Variants in MMP20 observed in about 807,000 individuals in gnomAD.
MMP20 encodes matrix metallopeptidase 20, also known as matrix metalloproteinase-20.
A neutral mutation model predicts 51.8 loss-of-function variants in MMP20; 50 were observed. That is an observed-to-expected ratio of 0.97 (90% CI 0.77 to 1.22). The LOEUF (loss-of-function observed/expected upper bound fraction) is 1.22, where lower values mean the gene tolerates loss of function less well. MMP20 is among the 50% of genes most tolerant of loss of function. The pLI is 0.00. For missense variants in MMP20, 663 were observed against 601.4 expected (o/e 1.10, Z -1.07); for synonymous variants, 244 against 216.2 (o/e 1.13, Z -1.13).
intron 2 of MMP20, among the ~76,000 whole-genome samples, chr11:102,615,071 TATA>T (rs930984394): frequency 5.4e-5 from 8 of 147,834 alleles, no homozygotes; most frequent in African/African-American, 2.0e-4. Context: ...AATTATTTAA[TATA>T]ATGTATTTAA....
chr11:102,620,263 C>T (rs1048538919), intron 1 of MMP20, among the ~76,000 whole-genome samples: 4 of 152,150 alleles, frequency 2.6e-5, no homozygotes, highest in African/African-American at 9.7e-5. Flanking sequence ...ATCAGATATC[C>T]TGAAGTACTG....
chr11:102,590,724 A>G (rs1859307471), intron 8 of MMP20, among the ~76,000 whole-genome samples: 1 of 152,242 alleles, frequency 6.6e-6, no homozygotes, highest in Non-Finnish European at 1.5e-5. Flanking sequence ...TTCTTATTCC[A>G]TAACTTGAGG....
At chr11:102,587,659 T>A (rs190993984) in intron 8 of MMP20, among the ~76,000 whole-genome samples, 1 of 152,286 alleles carries the variant, frequency 6.6e-6, no homozygotes, top group Non-Finnish European at 1.5e-5. Context: ...TATAATTACA[T>A]CTTCATGGTA....
At chr11:102,578,794 A>AC (rs1565387389) in intron 9 of MMP20, among the ~76,000 whole-genome samples, 8 of 131,688 alleles carry the variant, frequency 6.1e-5, no homozygotes, top group Non-Finnish European at 1.1e-4. Context: ...CACACACACA[A>AC]AAACAAAAAC....
At chr11:102,614,822 G>A (rs7126560) in intron 2 of MMP20, among the ~76,000 whole-genome samples, 19,462 of 151,482 alleles carry the variant, frequency 0.13, 1,413 homozygotes, top group East Asian at 0.34. Context: ...AAACCCACTT[G>A]ATTTGCATGA....
At chr11:102,599,736 A>C (rs534732282) in intron 6 of MMP20, among the ~76,000 whole-genome samples, 100 of 152,228 alleles carry the variant, frequency 6.6e-4, no homozygotes, top group Non-Finnish European at 1.4e-3. Flanking sequence ...CTGAGAAGCC[A>C]TTCATTCTAT....
chr11:102,610,046 G>T lies in MMP20; in HGVS notation c.524-16C>A. 1 of 1,613,898 alleles carries T rather than the reference G, an allele frequency of 6.2e-7. No homozygotes were observed. The highest frequency in any genetic ancestry group is 8.5e-7 in the Non-Finnish European group (1 of 1,179,934). ...TCCCCGTGATCTAAACAAGTGGGGAGAAAGGCCAACAAGATTGAGTCCTTC... is the reference window on the plus strand; with the variant it reads ...TCCCCGTGATCTAAACAAGTGGGGATAAAGGCCAACAAGATTGAGTCCTTC... On this transcript the variant is annotated splice_polypyrimidine_tract_variant and intron_variant, in intron 3 of 9. Transcript: ENST00000260228.
In MMP20 at chr11:102,609,024, C is replaced by T. The variant is rs147459787; in HGVS notation, c.724G>A (p.Ala242Thr). 3.4e-5 allele frequency: 55 copies of T among 1,613,998 alleles called. 1 individual carries two copies. Among genetic ancestry groups the T allele is most frequent in the Non-Finnish European group, 1.9e-5 (22 of 1,179,866 alleles). Residue 242 changes from alanine (A) to threonine (T), a missense_variant, in exon 5 of 10, where the codon GCA becomes ACA. Transcript: ENST00000260228. The part of the protein sequence containing the change: ...LGLAHSTDPS[A>T]LMYPTYKYKN... ...TACTTATAAGTTGGGTACATCAGTG[C>T]TGATGGGTCTGTGGAATGGGCCAGG...
intron 5 of MMP20, 36 bp downstream of exon 5, chr11:102,608,901 T>G: frequency 6.2e-7 from 1 of 1,608,680 alleles, no homozygotes; most frequent in Non-Finnish European, 8.5e-7. Flanking sequence ...GCCTGCCAAT[T>G]TCAGGGTGAG....
chr11:102,593,383 T>C lies in MMP20; in HGVS notation c.1247+56A>G, dbSNP rs1859340230. ...TTCTTTCGTGGAAGGGTTTTTATCT[T>C]TTTAAAATCATTCTCATTAAATAAA... On this transcript the variant is annotated intron_variant, in intron 8 of 9. Coordinates refer to ENST00000260228, the MANE Select transcript of MMP20 (RefSeq NM_004771.4). 12 of 1,582,426 alleles carry C rather than the reference T, an allele frequency of 7.6e-6. No homozygotes were observed. The Admixed American group carries it at 1.4e-4, about 18-fold the overall frequency.
intron 6 of MMP20, among the ~76,000 whole-genome samples, chr11:102,598,210 G>C (rs1859405420): frequency 6.6e-6 from 1 of 152,142 alleles, no homozygotes. Context: ...AATAAGTGAA[G>C]TAAAACTCAC....
chr11:102,597,678 C>A (rs1859398145), intron 6 of MMP20, among the ~76,000 whole-genome samples: 1 of 152,216 alleles, frequency 6.6e-6, no homozygotes, highest in South Asian at 2.1e-4. Flanking sequence ...CTGCTTTAAA[C>A]ACCACTATGA....
At chr11:102,580,233 T>C (rs566115216) in intron 8 of MMP20, among the ~76,000 whole-genome samples, 54 of 152,358 alleles carry the variant, frequency 3.5e-4, no homozygotes, top group Admixed American at 3.1e-3. Flanking sequence ...TAAAAAAGAC[T>C]GTGACTGTGT....
At chr11:102,579,843 T>C (rs1859173100) in intron 8 of MMP20, among the ~76,000 whole-genome samples, 1 of 152,248 alleles carries the variant, frequency 6.6e-6, no homozygotes, top group Admixed American at 6.5e-5. Context: ...TCTCTATATT[T>C]TTTATTGCCT....
intron 2 of MMP20, among the ~76,000 whole-genome samples, chr11:102,612,142 T>C (rs895526930): frequency 2.0e-5 from 3 of 152,204 alleles, no homozygotes; most frequent in African/African-American, 7.2e-5. Context: ...TTAGCTTTCA[T>C]TGTTATTATA....
At chr11:102,585,809 G>GT (rs757415766) in intron 8 of MMP20, among the ~76,000 whole-genome samples, 20 of 152,014 alleles carry the variant, frequency 1.3e-4, no homozygotes, top group African/African-American at 1.9e-4. Flanking sequence ...GTTGCTGAAT[G>GT]TTTTTTTATC....
At position 102,624,070 on chromosome 11, in the gene MMP20, C is replaced by G. The variant is rs999674545; in HGVS notation, c.126+1124G>C. On this transcript the variant is annotated intron_variant, in intron 1 of 9. Transcript: ENST00000260228. The stretch of plus-strand genomic sequence containing the variant: ...GGGCTGATATTTAAGTGTTTAATGA[C>G]TGGTATGGCCGGGGAACTGACCAGT... Among the ~76,000 whole-genome samples the G allele has an allele frequency of 7.2e-5, 11 of 152,212 alleles. 1 individual carries two copies. The highest frequency in any genetic ancestry group is 5.9e-5 in the Non-Finnish European group (4 of 68,046).
rs7939224 is a variant in MMP20, at chr11:102,608,807, A to G, written c.811+130T>C. The G allele has an allele frequency of 0.23, 229,770 of 990,358 alleles. 27,776 individuals carry two copies. Among genetic ancestry groups the G allele is most frequent in the African/African-American group, 0.28 (17,650 of 62,496 alleles). 61.3% of individuals were successfully genotyped at this position (990,358 alleles called of 1,614,324 possible). A position where few individuals can be genotyped will look rare whatever the true frequency, so the allele number is the denominator to read the frequency against. On this transcript the variant is annotated intron_variant, in intron 5 of 9. Transcript: ENST00000260228. ...ATAACTAGCAAATCAGCTCTTCACA[A>G]GAAGGCATAGTTGGGGTTATGGTTT...
In MMP20 at chr11:102,593,551, G is replaced by A. The variant is rs1322568092; in HGVS notation, c.1135C>T (p.Pro379Ser). 12 of 1,614,112 alleles carry A rather than the reference G, an allele frequency of 7.4e-6. No individual in the cohort carries two copies. Among genetic ancestry groups the A allele is most frequent in the Non-Finnish European group, 1.0e-5 (12 of 1,179,994 alleles). The stretch of plus-strand genomic sequence containing the variant: ...AATCCAAAGTCATAAATAGTCCGAG[G>A]AGGACCTTGCATTTGGAATCCTCTT... ...ITRGFQMQGP[P>S]RTIYDFGFPR... The change falls in exon 8 of 10, where the codon CCT becomes TCT. Residue 379 changes from proline (P) to serine (S), a missense_variant. Pro to Ser is a moderately conservative substitution (Grantham distance 74). Coordinates refer to ENST00000260228, the MANE Select transcript of MMP20 (RefSeq NM_004771.4).
Sources: gnomAD v4.1 joint callset for allele counts (sites outside exome capture counted in the v4.1 genomes callset) on GRCh38, gnomAD v4.1.1 for gene constraint, MANE v1.5 for transcripts, NCBI Gene and HGNC (gene_info 2026-07-23, HGNC 2026-07-21) for gene names.